SLC22A11: variants seen among roughly 807,000 people sequenced by gnomAD.
SLC22A11 encodes the protein organic anion transporter 4.
A neutral mutation model predicts 49.4 loss-of-function variants in SLC22A11; 42 were observed. The ratio of observed to expected loss-of-function variants is 0.85; its 90% CI spans 0.66 to 1.10. The LOEUF (loss-of-function observed/expected upper bound fraction) is 1.10. Among genes scored for constraint, SLC22A11 ranks in the 50% least tolerant of loss-of-function variants. The pLI is 0.00. For synonymous variants in SLC22A11, 304 were observed against 315.8 expected (o/e 0.96, Z 0.40); for missense variants, 685 against 731.6 (o/e 0.94, Z 0.74).
At chr11:64,567,889 A>T in intron 7 of SLC22A11, 76 bp downstream of exon 7, 3 of 1,428,824 alleles carry the variant, frequency 2.1e-6, no homozygotes, top group Non-Finnish European at 2.8e-6. Flanking sequence ...GTGGGGCCAC[A>T]TCCCCTCCCT....
Position 64,557,562 on chromosome 11 carries a change from C to T in SLC22A11, c.393+1170C>T, listed in dbSNP as rs141018408. ...AGCAGAATAAGGCCCAGTGTGTCTG[C>T]GCACAGGTGCTGAGGGGCCAGAAGC... On this transcript the variant is annotated intron_variant, in intron 1 of 9. Coordinates refer to ENST00000301891, the MANE Select transcript of SLC22A11 (RefSeq NM_018484.4). Among the ~76,000 whole-genome samples the T allele has an allele frequency of 9.4e-4, 143 of 151,362 alleles. 1 individual carries two copies. Among genetic ancestry groups the T allele is most frequent in the African/African-American group, 2.2e-3 (92 of 41,200 alleles).
In SLC22A11 at chr11:64,556,113, G is replaced by C. The variant is rs778750947; in HGVS notation, c.114G>C (p.Glu38Asp). 1.2e-6 allele frequency: 2 copies of C among 1,614,176 alleles called. No homozygotes were observed. The highest frequency in any genetic ancestry group is 1.1e-5 in the South Asian group (1 of 91,086). ...CLMIPSQMLL[E>D]NFSAAIPGHR... ...TGATACCTTCCCAGATGCTCCTGGA[G>C]AACTTCTCAGCCGCCATCCCAGGCC... The change falls in exon 1 of 10, where the codon GAG becomes GAC. Residue 38 changes from glutamate to aspartate, a missense_variant. Glu to Asp is a conservative substitution (Grantham distance 45, BLOSUM62 2). Transcript: ENST00000301891.
chr11:64,569,994 A>C, intron 9 of SLC22A11, 136 bp downstream of exon 9: 1 of 737,050 alleles, frequency 1.4e-6, no homozygotes, highest in Non-Finnish European at 2.2e-6. Context: ...CTTTCCAACA[A>C]TCCTGCCAGA....
At chr11:64,559,372 C>A in intron 2 of SLC22A11, 134 bp downstream of exon 2, 1 of 695,864 alleles carries the variant, frequency 1.4e-6, no homozygotes, top group Non-Finnish European at 2.2e-6. Flanking sequence ...CTGTTTCTTC[C>A]CTCCCCTGGC....
rs1272616975 is a variant in SLC22A11, at chr11:64,567,599, T to G, written c.1059T>G (p.Asn353Lys). ...RWRSCAMLVV[N>K]FSLLISYYGL... ...ACCTGACTTCCAGCCTTGCCCGCAG[T>G]TTCTCTCTATTGATCTCCTACTATG... The change falls in exon 7 of 10, where the codon AAT (asparagine) becomes AAG (lysine). Residue 353 changes from asparagine (N) to lysine (K), a missense_variant and splice_region_variant. Asn to Lys is a moderately conservative substitution (Grantham distance 94). Coordinates refer to ENST00000301891, the MANE Select transcript of SLC22A11 (RefSeq NM_018484.4). The G allele has an allele frequency of 4.3e-6, 7 of 1,613,416 alleles. No homozygotes were observed. Among genetic ancestry groups the G allele is most frequent in the Non-Finnish European group, 5.9e-6 (7 of 1,179,658 alleles).
chr11:64,560,769 G>A (rs929998528), intron 2 of SLC22A11, among the ~76,000 whole-genome samples: 1 of 152,172 alleles, frequency 6.6e-6, no homozygotes, highest in African/African-American at 2.4e-5. Flanking sequence ...CCAGAGCCCA[G>A]CTCAGCACGG....
At position 64,564,820 on chromosome 11, in the gene SLC22A11, C is replaced by T. The variant is rs1382439814; in HGVS notation, c.942+392C>T. ...ACAGCACCCACACCGTCACCTCCAT[C>T]ACCCACCACCTCCACCTGCATGTAG... is the stretch of plus-strand genomic sequence containing the variant. On this transcript the variant is annotated intron_variant, in intron 5 of 9. Coordinates refer to ENST00000301891, the MANE Select transcript of SLC22A11 (RefSeq NM_018484.4). The surrounding 1 kb of genome is among the most constrained non-coding windows in gnomAD (Gnocchi z 4.2). Among the ~76,000 whole-genome samples the T allele has an allele frequency of 6.6e-6, 1 of 152,216 alleles. No homozygotes were observed. The highest frequency in any genetic ancestry group is 1.9e-4 in the East Asian group (1 of 5,202).
chr11:64,567,366 C>T (rs997130452), intron 6 of SLC22A11, among the ~76,000 whole-genome samples: 2 of 152,240 alleles, frequency 1.3e-5, no homozygotes, highest in Non-Finnish European at 2.9e-5. Context: ...GACACAAAGC[C>T]TGTGTGTGAA....
chr11:64,561,140 G>A (rs1330643118), intron 2 of SLC22A11, among the ~76,000 whole-genome samples: 1 of 152,214 alleles, frequency 6.6e-6, no homozygotes, highest in Non-Finnish European at 1.5e-5. Context: ...AGACTCAGCC[G>A]GCCTGGAGGC....
In SLC22A11 at chr11:64,569,632, G is replaced by A; in HGVS notation, c.1383-20G>A. The A allele has an allele frequency of 5.0e-6, 8 of 1,608,528 alleles. No individual in the cohort carries two copies. The highest frequency in any genetic ancestry group is 5.9e-6 in the Non-Finnish European group (7 of 1,176,778). Reference sequence around the variant, plus strand: ...AGGGCCAGCTGTTACAGGGATCTGGGCCCTCCCCTTCACCCACAGGATGAC... The same window carrying A: ...AGGGCCAGCTGTTACAGGGATCTGGACCCTCCCCTTCACCCACAGGATGAC... On this transcript the variant is annotated intron_variant, in intron 8 of 9. Coordinates refer to ENST00000301891, the MANE Select transcript of SLC22A11 (RefSeq NM_018484.4).
chr11:64,569,886 G>A (rs369801610), intron 9 of SLC22A11, 28 bp downstream of exon 9: 306 of 1,606,684 alleles, frequency 1.9e-4, no homozygotes, highest in Non-Finnish European at 2.4e-4. Flanking sequence ...CCTGGGCATC[G>A]GGCTGGGCTT....
At position 64,572,113 on chromosome 11, in the gene SLC22A11, A is replaced by G. The variant is rs567160879; in HGVS notation, c.*1071A>G. On this transcript the variant is annotated 3_prime_UTR_variant, in exon 10 of 10. Coordinates refer to ENST00000301891, the MANE Select transcript of SLC22A11 (RefSeq NM_018484.4). ...TGCCAAGGCCTTCTGGCTTTGCCAG[A>G]TGTCAAGGGCAGCACCTAATACTGA... 4 of 152,402 alleles carry G rather than the reference A, an allele frequency of 2.6e-5. No homozygotes were observed. The highest frequency in any genetic ancestry group is 9.6e-5 in the African/African-American group (4 of 41,578). 9.4% of individuals were successfully genotyped at this position (152,402 alleles called of 1,614,324 possible). A position where few individuals can be genotyped will look rare whatever the true frequency, so the allele number is the denominator to read the frequency against.
chr11:64,564,160 A>T lies in SLC22A11; in HGVS notation c.822-148A>T. On this transcript the variant is annotated intron_variant, in intron 4 of 9. Coordinates refer to ENST00000301891, the MANE Select transcript of SLC22A11 (RefSeq NM_018484.4). The surrounding 1 kb of genome is among the most constrained non-coding windows in gnomAD (Gnocchi z 4.2). ...TATTCTGAAACCGCTGGGGACTGCC[A>T]GGCTCCTGGCTGGGCAGCAGCGGCA... 2 of 1,029,212 alleles carry T rather than the reference A, an allele frequency of 1.9e-6. No individual in the cohort carries two copies. Among genetic ancestry groups the T allele is most frequent in the Non-Finnish European group, 2.8e-6 (2 of 718,550 alleles). 63.8% of individuals were successfully genotyped at this position (1,029,212 alleles called of 1,614,324 possible). A position where few individuals can be genotyped will look rare whatever the true frequency, so the allele number is the denominator to read the frequency against.
Position 64,557,656 on chromosome 11 carries a change from G to A in SLC22A11, c.393+1264G>A, listed in dbSNP as rs1490613224. ...TTTTTTTTTTTTTTTTTTTGAGACA[G>A]AGTCTCACTCTGTCACCCAGGCTGG... On this transcript the variant is annotated intron_variant, in intron 1 of 9. Coordinates refer to ENST00000301891, the MANE Select transcript of SLC22A11 (RefSeq NM_018484.4). Among the ~76,000 whole-genome samples, 10 of 126,904 alleles carry A rather than the reference G, an allele frequency of 7.9e-5. 1 individual carries two copies. The highest frequency in any genetic ancestry group is 3.2e-4 in the African/African-American group (10 of 30,946). The allele number at this position is 126,904 out of a possible 152,430, so 83.3% of individuals were successfully genotyped here. A position where few individuals can be genotyped will look rare whatever the true frequency, so the allele number is the denominator to read the frequency against.
In SLC22A11 at chr11:64,571,130, C is replaced by T. The variant is rs1368260361; in HGVS notation, c.*88C>T. On this transcript the variant is annotated 3_prime_UTR_variant, in exon 10 of 10. Transcript: ENST00000301891. The stretch of plus-strand genomic sequence containing the variant: ...AATCAGAGCGTGGAGGCGAGTTGGG[C>T]GACTTCAAGGGCCTGGCATGGCAGA... The T allele has an allele frequency of 9.7e-6, 14 of 1,443,660 alleles. No individual in the cohort carries two copies. Among genetic ancestry groups the T allele is most frequent in the African/African-American group, 5.6e-5 (4 of 71,370 alleles). The allele number at this position is 1,443,660 out of a possible 1,614,324, so 89.4% of individuals were successfully genotyped here.
Position 64,565,356 on chromosome 11 carries a change from C to A in SLC22A11, c.1058+19C>A. The stretch of plus-strand genomic sequence containing the variant: ...TGGTGAAGTACGCCGTCCTGGTGTC[C>A]CTCCCCAAGGCAGGGCTGGGACAGG... On this transcript the variant is annotated intron_variant, in intron 6 of 9. Transcript: ENST00000301891. The surrounding 1 kb of genome is among the most constrained non-coding windows in gnomAD (Gnocchi z 4.1). 6.5e-7 allele frequency: 1 copy of A among 1,540,486 alleles called. No individual in the cohort carries two copies. Among genetic ancestry groups the A allele is most frequent in the Non-Finnish European group, 8.8e-7 (1 of 1,141,908 alleles).
Position 64,556,218 on chromosome 11 carries a change from C to T in SLC22A11, c.219C>T (p.Ser73=). ...CCCCCAAGGCCCTTCTGACCATCTC[C>T]ATCCCGCCAGGCCCCAACCAGGGGC... ...NMTPKALLTI[S]IPPGPNQGPH... is the part of the protein sequence containing the mutation. Residue 73 remains serine (S), a synonymous_variant, in exon 1 of 10, where the codon TCC becomes TCT. Coordinates refer to ENST00000301891, the MANE Select transcript of SLC22A11 (RefSeq NM_018484.4). 6.2e-7 allele frequency: 1 copy of T among 1,614,164 alleles called. No individual in the cohort carries two copies. The highest frequency in any genetic ancestry group is 1.3e-5 in the African/African-American group (1 of 75,060).
At position 64,562,189 on chromosome 11, in the gene SLC22A11, T is replaced by TGGGGGCG. The variant is rs1363234507; in HGVS notation, c.652+36_652+42dup. 1 of 1,608,278 alleles carries TGGGGGCG rather than the reference T, an allele frequency of 6.2e-7. No individual in the cohort carries two copies. The highest frequency in any genetic ancestry group is 1.3e-5 in the African/African-American group (1 of 74,822). Reference sequence around the variant, plus strand: ...TCCCCGGCTCAGCGCGCTCCTGCCATGGGGGCGGGGGTGGCAGGAGAGAAT... The same window carrying TGGGGGCG: ...TCCCCGGCTCAGCGCGCTCCTGCCATGGGGGCGGGGGGCGGGGGTGGCAGGAGAGAAT... On this transcript the variant is annotated intron_variant, in intron 3 of 9. Coordinates refer to ENST00000301891, the MANE Select transcript of SLC22A11 (RefSeq NM_018484.4). The surrounding 1 kb of genome is among the most constrained non-coding windows in gnomAD (Gnocchi z 4.4).
At chr11:64,569,225 G>A (rs929677332) in intron 8 of SLC22A11, among the ~76,000 whole-genome samples, 3 of 152,178 alleles carry the variant, frequency 2.0e-5, no homozygotes, top group East Asian at 1.9e-4. Flanking sequence ...ACTGAGGCTC[G>A]GGGTGAAGGA....
Sources: gnomAD v4.1 joint callset for allele counts (sites outside exome capture counted in the v4.1 genomes callset) on GRCh38, gnomAD v4.1.1 for gene constraint, Gnocchi (gnomAD v3.1) non-coding constraint, MANE v1.5 for transcripts, NCBI Gene and HGNC (gene_info 2026-07-23, HGNC 2026-07-21) for gene names.